Variants in ZBTB17 observed in about 807,000 individuals in gnomAD.
The protein encoded by ZBTB17 is zinc finger and BTB domain containing 17.
A neutral mutation model predicts 85.1 loss-of-function variants in ZBTB17; 24 were observed. The ratio of observed to expected loss-of-function variants is 0.28; its 90% CI spans 0.20 to 0.40. The LOEUF (loss-of-function observed/expected upper bound fraction) is 0.40, where lower values mean the gene tolerates loss of function less well. Among genes scored for constraint, ZBTB17 ranks in the 10% least tolerant of loss-of-function variants. ZBTB17 has a pLI of 1.00. For synonymous variants in ZBTB17, 464 were observed against 460.2 expected, an observed-to-expected ratio of 1.01 and a Z score of -0.11; for missense variants, 743 against 1,105.1, an observed-to-expected ratio of 0.67 and a Z score of 4.65.
rs745493864 is a variant in ZBTB17 at position 15,944,827 on chromosome 1, C to G, written c.940G>C (p.Glu314Gln). 2 of 1,602,996 alleles carry G rather than the reference C, an allele frequency of 1.2e-6. No homozygotes were observed. The highest frequency in any genetic ancestry group is 8.5e-7 in the Non-Finnish European group (1 of 1,175,184). The part of the protein sequence containing the change: ...VIHKCEDCGK[E>Q]FTHTGNFKRH... The stretch of plus-strand genomic sequence containing the variant: ...TTGAAGTTCCCCGTGTGCGTGAACT[C>G]CTTCCCACAGTCCTGTGGGTGCAGC... The change falls in exon 8 of 16, where the codon GAG (glutamate) becomes CAG (glutamine). Residue 314 changes from glutamate to glutamine, a missense_variant. By Grantham distance (29) the Glu-to-Gln change is conservative. Transcript: ENST00000375743.
chr1:15,944,037 G>A lies in ZBTB17; in HGVS notation c.1372-142C>T, dbSNP rs72885819. 1,534 of 976,312 alleles carry A rather than the reference G, an allele frequency of 1.6e-3. 23 individuals carry two copies. The African/African-American group carries it at 0.022, about 14-fold the overall frequency. The allele number at this position is 976,312 out of a possible 1,614,324, so 60.5% of individuals were successfully genotyped here. On this transcript the variant is annotated intron_variant, in intron 9 of 15. Coordinates refer to ENST00000375743, the MANE Select transcript of ZBTB17 (RefSeq NM_003443.3). ...CTCTATCTCTCCTGGGTCAGGAGAG[G>A]TCCCAGGTCCCAGCGGTGAGAGGTA...
rs2072758242 is a variant in ZBTB17, at chr1:15,973,730, C to T, written c.-89-605G>A. ...CCCCTAACTCTCATCAAACTAATCA[C>T]CAAATTGTGTCAATTCTATCGCTAA... On this transcript the variant is annotated intron_variant, in intron 1 of 15. Coordinates refer to ENST00000375743, the MANE Select transcript of ZBTB17 (RefSeq NM_003443.3). The surrounding 1 kb of genome is among the most constrained non-coding windows in gnomAD (Gnocchi z 4.1). Among the ~76,000 whole-genome samples, 2 of 152,186 alleles carry T rather than the reference C, an allele frequency of 1.3e-5. No individual in the cohort carries two copies. The highest frequency in any genetic ancestry group is 4.8e-5 in the African/African-American group (2 of 41,440).
intron 13 of ZBTB17, 110 bp downstream of exon 13, chr1:15,942,954 G>A (rs951930629): frequency 2.7e-6 from 4 of 1,500,348 alleles, no homozygotes; most frequent in Non-Finnish European, 3.6e-6. Flanking sequence ...GCCACCTGCA[G>A]CAAGAGCTAG....
At chr1:15,955,777 G>C (rs1220012353) in intron 2 of ZBTB17, among the ~76,000 whole-genome samples, 1 of 152,134 alleles carries the variant, frequency 6.6e-6, no homozygotes, top group African/African-American at 2.4e-5. Context: ...AACATAGTGA[G>C]ACCCCATGTC....
rs993112492 is a variant in ZBTB17 at position 15,951,061 on chromosome 1, C to G, written c.-2-2564G>C. On this transcript the variant is annotated intron_variant, in intron 2 of 15. Coordinates refer to ENST00000375743, the MANE Select transcript of ZBTB17 (RefSeq NM_003443.3). This position sits in a 1 kb window ranked among gnomAD's most constrained non-coding sequence, Gnocchi z 4.1. ...CACATACCACCACCCGCCAAGAGAG[C>G]AGCTGTGTGCCCATGAGCAACATTT... Among the ~76,000 whole-genome samples, 5 of 152,194 alleles carry G rather than the reference C, an allele frequency of 3.3e-5. No individual in the cohort carries two copies. Among genetic ancestry groups the G allele is most frequent in the Admixed American group, 1.3e-4 (2 of 15,286 alleles).
Position 15,944,617 on chromosome 1 carries a change from C to T in ZBTB17, c.1071-17G>A, listed in dbSNP as rs1172278899. 3 of 1,599,508 alleles carry T rather than the reference C, an allele frequency of 1.9e-6. No homozygotes were observed. The highest frequency in any genetic ancestry group is 1.3e-5 in the African/African-American group (1 of 74,918). On this transcript the variant is annotated splice_polypyrimidine_tract_variant and intron_variant, in intron 8 of 15. Transcript: ENST00000375743. Reference sequence around the variant, plus strand: ...TTCAGAGGGCTGCAGGGCCAGAAGGCGACAGGAGGCAGGGCTCGCTGGGGC... The same window carrying T: ...TTCAGAGGGCTGCAGGGCCAGAAGGTGACAGGAGGCAGGGCTCGCTGGGGC...
At chr1:15,967,944 A>ACCC (rs373607735) in intron 2 of ZBTB17, among the ~76,000 whole-genome samples, 21 of 152,306 alleles carry the variant, frequency 1.4e-4, no homozygotes, top group African/African-American at 4.8e-4. Flanking sequence ...GGGTTTCTTA[A>ACCC]CTGGGGGTGA....
intron 2 of ZBTB17, among the ~76,000 whole-genome samples, chr1:15,965,640 G>T (rs750545662): frequency 7.2e-5 from 11 of 152,158 alleles, no homozygotes; most frequent in Non-Finnish European, 1.5e-4. Context: ...GGCACTGTTT[G>T]TCTCAGCAAA....
intron 3 of ZBTB17, chr1:15,947,341 G>A: frequency 1.7e-6 from 1 of 577,028 alleles, no homozygotes; most frequent in Non-Finnish European, 3.1e-6. Context: ...GGGTCTGAAT[G>A]CCTGCCCTGC....
rs2072443295 is a variant in ZBTB17, at chr1:15,966,398, G to A, written c.-3+6641C>T. 6.6e-6 allele frequency among the ~76,000 whole-genome samples: 1 copy of A among 152,120 alleles called. No individual in the cohort carries two copies. Among genetic ancestry groups the A allele is most frequent in the South Asian group, 2.1e-4 (1 of 4,824 alleles). On this transcript the variant is annotated intron_variant, in intron 2 of 15. Transcript: ENST00000375743. The surrounding 1 kb of genome is among the most constrained non-coding windows in gnomAD (Gnocchi z 4.1). ...ACCAGAAGCTGAGTAGATTTTTGAT[G>A]TTACAATGAACCCACTAAGCCTGCT...
chr1:15,947,724 C>A (rs2071671447), intron 3 of ZBTB17, among the ~76,000 whole-genome samples: 2 of 152,188 alleles, frequency 1.3e-5, no homozygotes, highest in African/African-American at 4.8e-5. Context: ...GCTACCAACT[C>A]TCTATCTGAC....
At chr1:15,974,060 G>T (rs2072767508) in intron 1 of ZBTB17, among the ~76,000 whole-genome samples, 1 of 151,834 alleles carries the variant, frequency 6.6e-6, no homozygotes, top group Non-Finnish European at 1.5e-5. Context: ...GTGTTATGGT[G>T]CACGCCTGTA....
In ZBTB17 at chr1:15,944,825, C is replaced by G; in HGVS notation, c.942G>C (p.Glu314Asp). 6.2e-7 allele frequency: 1 copy of G among 1,603,340 alleles called. No individual in the cohort carries two copies. The highest frequency in any genetic ancestry group is 8.5e-7 in the Non-Finnish European group (1 of 1,175,298). ...GCTTGAAGTTCCCCGTGTGCGTGAA[C>G]TCCTTCCCACAGTCCTGTGGGTGCA... The part of the protein sequence containing the change: ...VIHKCEDCGK[E>D]FTHTGNFKRH... Residue 314 changes from glutamate to aspartate, a missense_variant, in exon 8 of 16, where the codon GAG (glutamate) becomes GAC (aspartate). Physicochemically the swap from Glu to Asp is conservative, Grantham distance 45. Transcript: ENST00000375743.
intron 2 of ZBTB17, among the ~76,000 whole-genome samples, chr1:15,958,787 A>G (rs528369281): frequency 1.3e-5 from 2 of 152,348 alleles, no homozygotes; most frequent in Admixed American, 6.5e-5. Context: ...GGCAGGGGAC[A>G]GCATAAGCAA....
chr1:15,964,358 T>A lies in ZBTB17; in HGVS notation c.-3+8681A>T, dbSNP rs187509466. Among the ~76,000 whole-genome samples the A allele has an allele frequency of 1.2e-3, 180 of 152,342 alleles. No homozygotes were observed. Among genetic ancestry groups the A allele is most frequent in the African/African-American group, 4.2e-3 (175 of 41,580 alleles). On this transcript the variant is annotated intron_variant, in intron 2 of 15. Coordinates refer to ENST00000375743, the MANE Select transcript of ZBTB17 (RefSeq NM_003443.3). The surrounding 1 kb of genome is among the most constrained non-coding windows in gnomAD (Gnocchi z 4.3). The stretch of plus-strand genomic sequence containing the variant: ...CAGCTCTACCCAAATTTATATATTA[T>A]AAACTCAATGCAAATTCTAATAAAA...
At position 15,945,005 on chromosome 1, in the gene ZBTB17, G is replaced by A; in HGVS notation, c.859C>T (p.Leu287=). 1 of 1,595,660 alleles carries A rather than the reference G, an allele frequency of 6.3e-7. No individual in the cohort carries two copies. The highest frequency in any genetic ancestry group is 8.5e-7 in the Non-Finnish European group (1 of 1,173,314). ...CGGTCGCCGTAGGTGCCTGAGCGCA[G>A]GCCCCGGGCCTCGGAGCCGAGCTCC... ...GQELGSEARG[L]RSGTYGDRTE... Residue 287 remains leucine (L), a synonymous_variant, in exon 7 of 16, where the codon CTG becomes TTG. Coordinates refer to ENST00000375743, the MANE Select transcript of ZBTB17 (RefSeq NM_003443.3).
intron 2 of ZBTB17, chr1:15,969,505 G>C: frequency 3.6e-6 from 1 of 274,168 alleles, no homozygotes; most frequent in Non-Finnish European, 7.2e-6. Context: ...CTAGGTGCAC[G>C]GGGGCCGAGG....
rs1291348865 is a variant in ZBTB17, at chr1:15,953,252, A to G, written c.-2-4755T>C. Among the ~76,000 whole-genome samples the G allele has an allele frequency of 1.3e-5, 2 of 152,088 alleles. No individual in the cohort carries two copies. The highest frequency in any genetic ancestry group is 2.4e-5 in the African/African-American group (1 of 41,386). ...GGTCTCAAACTCCTGGGCTCAAGCA[A>G]TCTGCCTACCTTGGCCTTCTAAAGT... On this transcript the variant is annotated intron_variant, in intron 2 of 15. Coordinates refer to ENST00000375743, the MANE Select transcript of ZBTB17 (RefSeq NM_003443.3). The surrounding 1 kb of genome is among the most constrained non-coding windows in gnomAD (Gnocchi z 5.1).
At chr1:15,972,983 A>C (rs1449557055) in intron 2 of ZBTB17, 56 bp downstream of exon 2, 1 of 152,236 alleles carries the variant, frequency 6.6e-6, no homozygotes, top group African/African-American at 2.4e-5. Flanking sequence ...TGTTGAACCT[A>C]GAGAAAAAGG....
Sources: allele counts gnomAD v4.1 joint callset (sites outside exome capture counted in the v4.1 genomes callset), GRCh38; gene constraint gnomAD v4.1.1; non-coding constraint Gnocchi (gnomAD v3.1); transcripts MANE v1.5; gene names NCBI Gene and HGNC (gene_info 2026-07-23, HGNC 2026-07-21).